The following PTK7 variants were observed in gnomAD, a reference collection of about 807,000 sequenced individuals.
The protein encoded by PTK7 is inactive tyrosine-protein kinase 7.
PTK7 carries 39 observed loss-of-function variants against 116.6 expected under a neutral mutation model. The ratio of observed to expected loss-of-function variants is 0.33; its 90% confidence interval spans 0.26 to 0.44. The LOEUF (loss-of-function observed/expected upper bound fraction) is 0.44, where lower values mean the gene tolerates loss of function less well. PTK7 is among the 20% of genes least tolerant of loss of function. PTK7 has a pLI of 1.00. For missense variants in PTK7, 1,169 were observed against 1,425.6 expected, an observed-to-expected ratio of 0.82 and a Z score of 2.90; for synonymous variants, 546 against 563.6, an observed-to-expected ratio of 0.97 and a Z score of 0.44.
intron 1 of PTK7, among the ~76,000 whole-genome samples, chr6:43,117,945 A>AT (rs1768656525): frequency 6.6e-6 from 1 of 151,568 alleles, no homozygotes; most frequent in South Asian, 2.1e-4. Flanking sequence ...AAAAAAAAAA[A>AT]CGAAAGAAAA....
At chr6:43,117,659 A>C (rs1768639024) in intron 1 of PTK7, among the ~76,000 whole-genome samples, 1 of 152,100 alleles carries the variant, frequency 6.6e-6, no homozygotes, top group South Asian at 2.1e-4. Context: ...GGTTCACGCC[A>C]GTCCCAGTCT....
intron 1 of PTK7, among the ~76,000 whole-genome samples, chr6:43,120,230 C>T (rs189225618): frequency 6.6e-6 from 1 of 152,310 alleles, no homozygotes; most frequent in Non-Finnish European, 1.5e-5. Flanking sequence ...TTCATTCCCC[C>T]ACGCGTGCTC....
At chr6:43,086,416 CTTT>C (rs35357864) in intron 1 of PTK7, among the ~76,000 whole-genome samples, 1 of 140,526 alleles carries the variant, frequency 7.1e-6, no homozygotes. Context: ...GACACTCTGG[CTTT>C]TTTTTTTTTT....
At chr6:43,079,359 C>T (rs1336623344) in intron 1 of PTK7, among the ~76,000 whole-genome samples, 4 of 151,924 alleles carry the variant, frequency 2.6e-5, no homozygotes, top group African/African-American at 7.3e-5. Flanking sequence ...CCCAGCTACT[C>T]GGGAGGCTGA....
intron 1 of PTK7, among the ~76,000 whole-genome samples, chr6:43,077,390 G>C (rs1163888155): frequency 6.6e-6 from 1 of 152,278 alleles, no homozygotes; most frequent in South Asian, 2.1e-4. Context: ...ATTTCTAAGG[G>C]AAGAAAGGCA....
Position 43,129,870 on chromosome 6 carries a change from G to T in PTK7, c.470+41G>T, listed in dbSNP as rs1289196326. The stretch of plus-strand genomic sequence containing the variant: ...GGTGGGGATGAAGAGGGTTATTCCG[G>T]ACAGGGATGTCTCCCCAAATCTTGG... On this transcript the variant is annotated intron_variant, in intron 3 of 19. Transcript: ENST00000230419. The surrounding 1 kb of genome is among the most constrained non-coding windows in gnomAD (Gnocchi z 4.5). 6.3e-7 allele frequency: 1 copy of T among 1,577,988 alleles called. No homozygotes were observed. The highest frequency in any genetic ancestry group is 1.7e-5 in the Admixed American group (1 of 59,782).
chr6:43,097,694 C>T (rs1159303402), intron 1 of PTK7, among the ~76,000 whole-genome samples: 1 of 152,174 alleles, frequency 6.6e-6, no homozygotes. Context: ...TCCATGATTA[C>T]TAAATATGCC....
chr6:43,129,458 T>G lies in PTK7; in HGVS notation c.367+194T>G. ...TATATTTTTTCCAAAATTTTTTCCT[T>G]CAAGTCTGGGACCCATTTATCTGCT... On this transcript the variant is annotated intron_variant, in intron 2 of 19. Coordinates refer to ENST00000230419, the MANE Select transcript of PTK7 (RefSeq NM_002821.5). This position sits in a 1 kb window ranked among gnomAD's most constrained non-coding sequence, Gnocchi z 4.5. 1.1e-6 allele frequency: 1 copy of G among 883,830 alleles called. No individual in the cohort carries two copies. The highest frequency in any genetic ancestry group is 1.7e-6 in the Non-Finnish European group (1 of 594,756). The allele number at this position is 883,830 out of a possible 1,614,324, so 54.7% of individuals were successfully genotyped here.
chr6:43,132,128 C>T lies in PTK7; in HGVS notation c.925C>T (p.Pro309Ser), dbSNP rs1262457274. ...YRCIGQGQRG[P>S]PIILEATLHL... ...CTGCATTGGCCAGGGGCAGAGGGGC[C>T]CACCCATCATCCTGGAAGCCACACT... The change falls in exon 6 of 20, where the codon CCA (proline) becomes TCA (serine). Residue 309 changes from proline (P) to serine (S), a missense_variant. By Grantham distance (74) the Pro-to-Ser change is moderately conservative (BLOSUM62 -1). Around this residue, in one of 3 missense-constraint regions of PTK7, gnomAD observed 487 missense variants for 549.8 expected, o/e 0.89. Coordinates refer to ENST00000230419, the MANE Select transcript of PTK7 (RefSeq NM_002821.5). 6.2e-7 allele frequency: 1 copy of T among 1,612,750 alleles called. No individual in the cohort carries two copies. The highest frequency in any genetic ancestry group is 1.3e-5 in the African/African-American group (1 of 74,916).
intron 17 of PTK7, among the ~76,000 whole-genome samples, chr6:43,147,070 T>C (rs943685029): frequency 2.0e-5 from 3 of 152,246 alleles, no homozygotes; most frequent in Non-Finnish European, 4.4e-5. Context: ...CAAGCAGTCC[T>C]AGTGCAGGGG....
At position 43,130,440 on chromosome 6, in the gene PTK7, G is replaced by A. The variant is rs190287375; in HGVS notation, c.661+20G>A. The A allele has an allele frequency of 4.1e-5, 66 of 1,603,860 alleles. 1 individual carries two copies. The highest frequency in any genetic ancestry group is 3.2e-4 in the African/African-American group (24 of 74,858). ...TTGCTGGTGAGCCTGGGGTGGGGGC[G>A]GAAGGGATGAGGTGAGCACAGGAGG... On this transcript the variant is annotated intron_variant, in intron 4 of 19. Transcript: ENST00000230419.
At chr6:43,144,114 T>G (rs1415997804) in intron 14 of PTK7, among the ~76,000 whole-genome samples, 1 of 152,228 alleles carries the variant, frequency 6.6e-6, no homozygotes, top group East Asian at 1.9e-4. Context: ...TGTGCCTGTT[T>G]AGGGCTTTGC....
chr6:43,105,502 G>C (rs982026064), intron 1 of PTK7, among the ~76,000 whole-genome samples: 6 of 149,276 alleles, frequency 4.0e-5, no homozygotes, highest in African/African-American at 1.5e-4. Context: ...ATTAGAGGGT[G>C]AATTGTGTCC....
At chr6:43,081,997 G>A (rs529406454) in intron 1 of PTK7, among the ~76,000 whole-genome samples, 27 of 152,144 alleles carry the variant, frequency 1.8e-4, no homozygotes, top group African/African-American at 5.3e-4. Context: ...AGTTCTGTGC[G>A]TGGGTAAGCA....
At chr6:43,115,675 C>T (rs943389322) in intron 1 of PTK7, among the ~76,000 whole-genome samples, 3 of 152,066 alleles carry the variant, frequency 2.0e-5, no homozygotes, top group Non-Finnish European at 2.9e-5. Context: ...GTGGCTCACA[C>T]CTATAATCCC....
intron 1 of PTK7, among the ~76,000 whole-genome samples, chr6:43,083,181 T>C (rs545265934): frequency 1.3e-5 from 2 of 152,374 alleles, no homozygotes; most frequent in African/African-American, 4.8e-5. Context: ...GTCCTTGGCC[T>C]GTGTCCCTCA....
At chr6:43,144,671 G>T in intron 15 of PTK7, 65 bp downstream of exon 15, 3 of 1,538,842 alleles carry the variant, frequency 1.9e-6, no homozygotes. Flanking sequence ...CTTGAGGCTG[G>T]GTACGGGCTA....
intron 1 of PTK7, among the ~76,000 whole-genome samples, chr6:43,118,637 C>G (rs942444409): frequency 7.6e-5 from 6 of 79,202 alleles, no homozygotes; most frequent in Admixed American, 1.4e-4. Flanking sequence ...CTCTCTCTCT[C>G]TCTCTCTCTC....
intron 1 of PTK7, among the ~76,000 whole-genome samples, chr6:43,114,815 G>A (rs1329686672): frequency 5.9e-5 from 9 of 151,974 alleles, no homozygotes; most frequent in Non-Finnish European, 1.3e-4. Flanking sequence ...CTAGGCAGGC[G>A]GATTGCCTGA....
Sources: gnomAD v4.1 joint callset for allele counts (sites outside exome capture counted in the v4.1 genomes callset) on GRCh38, gnomAD v4.1.1 for gene constraint, gnomAD v4.1.1 regional missense constraint, Gnocchi (gnomAD v3.1) non-coding constraint, MANE v1.5 for transcripts, NCBI Gene and HGNC (gene_info 2026-07-23, HGNC 2026-07-21) for gene names.